UBTF: variants seen among roughly 807,000 people sequenced by gnomAD.
UBTF encodes upstream binding transcription factor.
UBTF carries 8 observed loss-of-function variants against 112.3 expected under a neutral mutation model. That is an observed-to-expected ratio of 0.07 (90% CI 0.04 to 0.13). The LOEUF is 0.13. Among genes scored for constraint, UBTF ranks in the 10% least tolerant of loss-of-function variants. The pLI, the probability that UBTF is intolerant of heterozygous loss-of-function variation, is 1.00. For synonymous variants in UBTF, 417 were observed against 373.1 expected (o/e 1.12, Z -1.36); for missense variants, 457 against 982.1 (o/e 0.47, Z 7.15).
chr17:44,218,026 G>C, intron 2 of UBTF, 146 bp downstream of exon 2: 1 of 852,172 alleles, frequency 1.2e-6, no homozygotes, highest in South Asian at 1.6e-5. Context: ...AAGTGTGGGA[G>C]ATGCTTGATT....
In UBTF at chr17:44,205,276, A is replaced by G. The variant is rs2056186436; in HGVS notation, c.*1966T>C. 1 of 152,556 alleles carries G rather than the reference A, an allele frequency of 6.6e-6. No individual in the cohort carries two copies. Among genetic ancestry groups the G allele is most frequent in the Admixed American group, 6.6e-5 (1 of 15,262 alleles). 9.5% of individuals were successfully genotyped at this position (152,556 alleles called of 1,614,324 possible). A position where few individuals can be genotyped will look rare whatever the true frequency, so the allele number is the denominator to read the frequency against. ...CAGTGCCAAAATGCACTCAAGAGTG[A>G]CCTCTTACAGCACCAACACCCCCAC... On this transcript the variant is annotated 3_prime_UTR_variant, in exon 21 of 21. Coordinates refer to ENST00000436088, the MANE Select transcript of UBTF (RefSeq NM_014233.4).
rs957986543 is a variant in UBTF, at chr17:44,205,935, G to C, written c.*1307C>G. 6.6e-6 allele frequency: 1 copy of C among 152,220 alleles called. No homozygotes were observed. The highest frequency in any genetic ancestry group is 1.5e-5 in the Non-Finnish European group (1 of 68,046). 9.4% of individuals were successfully genotyped at this position (152,220 alleles called of 1,614,324 possible). On this transcript the variant is annotated 3_prime_UTR_variant, in exon 21 of 21. Transcript: ENST00000436088. ...GCTTTTGCAGACTTCTTGCCCAGCT[G>C]TGGGGTTGGGGGAGGAGGGAGCAGA... is the stretch of plus-strand genomic sequence containing the variant.
Position 44,210,821 on chromosome 17 carries a change from T to G in UBTF, c.1330A>C (p.Met444Leu), listed in dbSNP as rs1184819943. Residue 444 changes from methionine (M) to leucine (L), a missense_variant, in exon 13 of 21, where the codon ATG (methionine) becomes CTG (leucine). Physicochemically the swap from Met to Leu is conservative, Grantham distance 15 (BLOSUM62 2). Coordinates refer to ENST00000436088, the MANE Select transcript of UBTF (RefSeq NM_014233.4). ...TTCTTCTCAGACAGGTCGTTCCACA[T>G]TCGGGCCAGCAGGCGGGTCAGCTCG... is the stretch of plus-strand genomic sequence containing the variant. ...ESELTRLLAR[M>L]WNDLSEKKKA... 2.5e-6 allele frequency: 4 copies of G among 1,569,236 alleles called. No individual in the cohort carries two copies. Among genetic ancestry groups the G allele is most frequent in the Non-Finnish European group, 3.5e-6 (4 of 1,156,232 alleles).
chr17:44,205,868 A>T lies in UBTF; in HGVS notation c.*1374T>A, dbSNP rs1375302918. On this transcript the variant is annotated 3_prime_UTR_variant, in exon 21 of 21. Coordinates refer to ENST00000436088, the MANE Select transcript of UBTF (RefSeq NM_014233.4). ...TCAAGGAATCAAGGTACCAAAAAAT[A>T]CGGGAGATGGCTGGGAAGAGTTAGA... 1 of 152,116 alleles carries T rather than the reference A, an allele frequency of 6.6e-6. No individual in the cohort carries two copies. The highest frequency in any genetic ancestry group is 1.5e-5 in the Non-Finnish European group (1 of 68,016). 9.4% of individuals were successfully genotyped at this position (152,116 alleles called of 1,614,324 possible). A position where few individuals can be genotyped will look rare whatever the true frequency, so the allele number is the denominator to read the frequency against.
At chr17:44,209,847 G>T in intron 15 of UBTF, 114 bp from the exon 16 acceptor site, 1 of 1,154,642 alleles carries the variant, frequency 8.7e-7, no homozygotes. Context: ...CAGGGAGGAG[G>T]AGAAACAGGT....
chr17:44,212,295 C>T, intron 8 of UBTF, 49 bp downstream of exon 8: 1 of 1,520,044 alleles, frequency 6.6e-7, no homozygotes, highest in Admixed American at 1.7e-5. Flanking sequence ...AGTCGGAGGG[C>T]AGAGGCTCGT....
chr17:44,212,587 G>A, intron 7 of UBTF, 133 bp from the exon 8 acceptor site: 2 of 1,032,174 alleles, frequency 1.9e-6, no homozygotes, highest in Non-Finnish European at 2.8e-6. Flanking sequence ...CAGGCCAGGA[G>A]GGGAAGGCGG....
Position 44,218,186 on chromosome 17 carries a change from G to T in UBTF, c.44C>A (p.Ala15Asp). ...GATGCCCCTACCTTGGCCTTTGGGG[G>T]CGGCCATTTCCAGGTCTGTGGGGCA... ...ADCPTDLEMA[A>D]PKGQDRWSQE... is the part of the protein sequence containing the mutation. Residue 15 changes from alanine to aspartate, a missense_variant, in exon 2 of 21, where the codon GCC (alanine) becomes GAC (aspartate). By Grantham distance (126) the Ala-to-Asp change is moderately radical. Transcript: ENST00000436088. 1 of 1,612,538 alleles carries T rather than the reference G, an allele frequency of 6.2e-7. No homozygotes were observed.
chr17:44,219,804 GAGCGGGAGGGGGGGCGGGAGA>G, upstream of UBTF: 1 of 150,994 alleles, frequency 6.6e-6, no homozygotes, highest in Non-Finnish European at 1.5e-5. Context: ...GGAGGAGGAG[GAGCGGGAGGGGGGGCGGGAGA>G]AGCGGGGCAG....
At chr17:44,213,403 G>A in intron 5 of UBTF, 121 bp from the exon 6 acceptor site, 1 of 1,121,222 alleles carries the variant, frequency 8.9e-7, no homozygotes, top group Non-Finnish European at 1.2e-6. Flanking sequence ...GCAGGGAGTG[G>A]AGGCTGGCGC....
At chr17:44,208,955 T>G in intron 17 of UBTF, 1 of 338,228 alleles carries the variant, frequency 3.0e-6, no homozygotes, top group South Asian at 2.1e-5. Flanking sequence ...GAGGCCGAGG[T>G]GGGCGGATCA....
chr17:44,214,716 G>A (rs1401161413), intron 5 of UBTF, among the ~76,000 whole-genome samples: 1 of 152,130 alleles, frequency 6.6e-6, no homozygotes, highest in Non-Finnish European at 1.5e-5. Flanking sequence ...CCAGGAAAAA[G>A]GGCTACTCAT....
At position 44,218,258 on chromosome 17, in the gene UBTF, C is replaced by T; in HGVS notation, c.-29G>A. ...CCAGCTGTCCAGCCACCTCCTCGGT[C>T]GTGCTGGCCGGGCAACCCGGGGTCA... On this transcript the variant is annotated 5_prime_UTR_variant, in exon 2 of 21. Transcript: ENST00000436088. 1 of 1,610,956 alleles carries T rather than the reference C, an allele frequency of 6.2e-7. No individual in the cohort carries two copies. Among genetic ancestry groups the T allele is most frequent in the African/African-American group, 1.3e-5 (1 of 74,864 alleles).
chr17:44,216,506 G>A (rs200572451), intron 3 of UBTF, 23 bp downstream of exon 3: 18 of 1,613,314 alleles, frequency 1.1e-5, no homozygotes, highest in Non-Finnish European at 2.5e-6. Context: ...ATGTGTGTAT[G>A]TCAGAAAAGG....
chr17:44,217,527 G>A (rs1411383529), intron 2 of UBTF, among the ~76,000 whole-genome samples: 1 of 152,150 alleles, frequency 6.6e-6, no homozygotes, highest in African/African-American at 2.4e-5. Context: ...GCCACCCAAG[G>A]CCAGAAGTCA....
At position 44,211,063 on chromosome 17, in the gene UBTF, C is replaced by T. The variant is rs1350237431; in HGVS notation, c.1179G>A (p.Lys393=). The change falls in exon 12 of 21, where the codon AAG becomes AAA. Residue 393 remains lysine, a synonymous_variant. Transcript: ENST00000436088. The surrounding 1 kb of genome is among the most constrained non-coding windows in gnomAD (Gnocchi z 4.9). Reference sequence around the variant, plus strand: ...CCTTGCCCCCTTCCTGGGCTGGCTTCTTGGAGGCGGGGCTGGTGGCCTGCT... The same window carrying T: ...CCTTGCCCCCTTCCTGGGCTGGCTTTTTGGAGGCGGGGCTGGTGGCCTGCT... ...NKKQATSPAS[K]KPAQEGGKGG... is the part of the protein sequence containing the mutation. The T allele has an allele frequency of 1.2e-6, 2 of 1,612,552 alleles. No homozygotes were observed. Among genetic ancestry groups the T allele is most frequent in the Admixed American group, 1.7e-5 (1 of 59,968 alleles).
rs757261137 is a variant in UBTF, at chr17:44,216,500, G to A, written c.234+29C>T. ...CCACCACGCTGAGTGGGGGGTATGT[G>A]TGTATGTCAGAAAAGGGGGATCAGT... On this transcript the variant is annotated intron_variant, in intron 3 of 20. Transcript: ENST00000436088. The A allele has an allele frequency of 7.4e-6, 12 of 1,612,836 alleles. No homozygotes were observed. In the Admixed American group the frequency reaches 8.3e-5, roughly 11 times the overall value.
chr17:44,221,130 CTTTT>C (rs1248023995), upstream of UBTF: 1 of 148,974 alleles, frequency 6.7e-6, no homozygotes, highest in Non-Finnish European at 1.5e-5. Flanking sequence ...TGGTTTTCGT[CTTTT>C]TTTTTTCTTT....
chr17:44,217,247 TAG>T (rs2046892912), intron 2 of UBTF, among the ~76,000 whole-genome samples: 2 of 152,116 alleles, frequency 1.3e-5, no homozygotes, highest in South Asian at 4.1e-4. Context: ...CACCACCCCC[TAG>T]CCCCTTAAAG....
Sources: gnomAD v4.1 joint callset for allele counts (sites outside exome capture counted in the v4.1 genomes callset) on GRCh38, gnomAD v4.1.1 for gene constraint, Gnocchi (gnomAD v3.1) non-coding constraint, MANE v1.5 for transcripts, NCBI Gene and HGNC (gene_info 2026-07-23, HGNC 2026-07-21) for gene names.